The following IL20RB variants were observed in gnomAD, a reference collection of about 807,000 sequenced individuals.
IL20RB encodes interleukin-20 receptor subunit beta.
IL20RB carries 21 observed loss-of-function variants against 33.3 expected under a neutral mutation model. That is an observed-to-expected ratio of 0.63 (90% confidence interval 0.45 to 0.91). The LOEUF (loss-of-function observed/expected upper bound fraction) is 0.91. Ranked by LOEUF, IL20RB falls within the 40% of genes least tolerant of loss-of-function variation. The probability of loss-of-function intolerance (pLI) is 0.00; values close to 1 mark genes in which losing one functional copy is unlikely to be tolerated. For missense variants in IL20RB, 345 were observed against 384.8 expected (o/e 0.90, Z 0.86); for synonymous variants, 147 against 146.8 (o/e 1.00, Z -0.01).
At chr3:136,960,976 AT>A (rs1412866568) in intron 1 of IL20RB, among the ~76,000 whole-genome samples, 1 of 152,176 alleles carries the variant, frequency 6.6e-6, no homozygotes, top group African/African-American at 2.4e-5. Context: ...AGATGCAAAG[AT>A]TTTTGCCTGG....
At chr3:136,987,189 C>G (rs1331761934) in intron 3 of IL20RB, among the ~76,000 whole-genome samples, 6 of 152,172 alleles carry the variant, frequency 3.9e-5, no homozygotes, top group Non-Finnish European at 7.4e-5. Context: ...CCACCCACGT[C>G]CTGCTGATTG....
intron 6 of IL20RB, among the ~76,000 whole-genome samples, chr3:137,006,908 ATATG>A (rs1942360988): frequency 1.3e-5 from 2 of 152,150 alleles, no homozygotes; most frequent in Admixed American, 1.3e-4. Flanking sequence ...CTTTGTGGTT[ATATG>A]TACCTTTCGT....
intron 6 of IL20RB, among the ~76,000 whole-genome samples, chr3:137,009,733 G>C (rs1309580209): frequency 1.3e-5 from 2 of 152,006 alleles, no homozygotes; most frequent in African/African-American, 4.8e-5. Flanking sequence ...AGGGAGCCTT[G>C]CTATGTTGCC....
At chr3:136,976,670 G>C (rs576655684) in intron 1 of IL20RB, among the ~76,000 whole-genome samples, 12 of 152,318 alleles carry the variant, frequency 7.9e-5, no homozygotes, top group African/African-American at 2.4e-4. Context: ...CTCATTCCCA[G>C]TTTGTGCCCC....
At chr3:136,981,564 A>G (rs1164492100) in intron 2 of IL20RB, among the ~76,000 whole-genome samples, 1 of 152,206 alleles carries the variant, frequency 6.6e-6, no homozygotes, top group Admixed American at 6.5e-5. Context: ...TATTTATGCC[A>G]TATCTGAAGG....
rs752875529 is a variant in IL20RB at position 136,995,491 on chromosome 3, G to A, written c.760G>A (p.Val254Ile). Residue 254 changes from valine to isoleucine, a missense_variant, in exon 6 of 7, where the codon GTC becomes ATC. Coordinates refer to ENST00000329582, the MANE Select transcript of IL20RB (RefSeq NM_144717.4). ...GATCCTTGTGGTCGTGCCACTGTTC[G>A]TCTGGAAAATGGGCCGGCTGCTCCA... ...MLILVVVPLF[V>I]WKMGRLLQYS... 3.2e-5 allele frequency: 52 copies of A among 1,614,100 alleles called. No individual in the cohort carries two copies. Among genetic ancestry groups the A allele is most frequent in the Middle Eastern group, 1.7e-4 (1 of 6,048 alleles).
intron 1 of IL20RB, among the ~76,000 whole-genome samples, chr3:136,975,053 A>C (rs1038874134): frequency 6.6e-6 from 1 of 152,122 alleles, no homozygotes; most frequent in Non-Finnish European, 1.5e-5. Context: ...ATTCTCTTGT[A>C]TCCCACTGAG....
intron 5 of IL20RB, 76 bp downstream of exon 5, chr3:136,992,164 G>T: frequency 1.4e-6 from 2 of 1,478,192 alleles, no homozygotes; most frequent in East Asian, 2.3e-5. Flanking sequence ...GGCCTGCTGG[G>T]TTCCTTTGGT....
intron 5 of IL20RB, 48 bp from the exon 6 acceptor site, chr3:136,995,366 T>A: frequency 6.2e-7 from 1 of 1,606,146 alleles, no homozygotes; most frequent in Non-Finnish European, 8.5e-7. Flanking sequence ...ATTGAAGTTT[T>A]AATCTTTGCT....
At chr3:136,996,312 C>T (rs1403252048) in intron 6 of IL20RB, among the ~76,000 whole-genome samples, 1 of 152,098 alleles carries the variant, frequency 6.6e-6, no homozygotes, top group African/African-American at 2.4e-5. Context: ...AGACCTCAAC[C>T]ACACAAAGCA....
At chr3:137,004,266 A>G (rs994603749) in intron 6 of IL20RB, among the ~76,000 whole-genome samples, 4 of 152,178 alleles carry the variant, frequency 2.6e-5, no homozygotes, top group Non-Finnish European at 5.9e-5. Flanking sequence ...TATCAGGATG[A>G]TGCTGGCCTC....
intron 5 of IL20RB, among the ~76,000 whole-genome samples, chr3:136,993,391 C>T (rs1942068642): frequency 6.6e-6 from 1 of 152,130 alleles, no homozygotes; most frequent in African/African-American, 2.4e-5. Flanking sequence ...ATATTGTGAA[C>T]ATCTTTTCAT....
chr3:136,973,325 C>CA (rs201415749), intron 1 of IL20RB, among the ~76,000 whole-genome samples: 1,119 of 88,348 alleles, frequency 0.013, 1 homozygote, highest in African/African-American at 0.016. Context: ...ACTAAAAATA[C>CA]AAAAAAAAAA....
chr3:136,988,606 G>A (rs549033617), intron 3 of IL20RB, among the ~76,000 whole-genome samples: 6 of 152,150 alleles, frequency 3.9e-5, no homozygotes, highest in Middle Eastern at 3.4e-3. Context: ...AGCTGAGTGC[G>A]GTGATGTGTG....
chr3:136,979,576 A>G (rs2108195725), intron 1 of IL20RB, among the ~76,000 whole-genome samples: 1 of 152,298 alleles, frequency 6.6e-6, no homozygotes, highest in Middle Eastern at 3.4e-3. Flanking sequence ...AGTCCTTATG[A>G]GCAGGTTCAG....
At chr3:136,970,530 T>C (rs2108182321) in intron 1 of IL20RB, among the ~76,000 whole-genome samples, 1 of 152,354 alleles carries the variant, frequency 6.6e-6, no homozygotes, top group South Asian at 2.1e-4. Flanking sequence ...CAATACAATA[T>C]AGTTTTAATT....
At position 137,010,521 on chromosome 3, in the gene IL20RB, A is replaced by G; in HGVS notation, c.*298A>G. The G allele has an allele frequency of 3.4e-6, 1 of 297,090 alleles. No individual in the cohort carries two copies. The highest frequency in any genetic ancestry group is 4.6e-5 in the Admixed American group (1 of 21,804). 18.4% of individuals were successfully genotyped at this position (297,090 alleles called of 1,614,324 possible). On this transcript the variant is annotated 3_prime_UTR_variant, in exon 7 of 7. Coordinates refer to ENST00000329582, the MANE Select transcript of IL20RB (RefSeq NM_144717.4). ...AAGTTTTCTCATCTGTAATGGGGGA[A>G]TTACCTACACACCTGCTAAACACAC... is the stretch of plus-strand genomic sequence containing the variant.
intron 1 of IL20RB, among the ~76,000 whole-genome samples, chr3:136,963,689 T>A (rs1310163745): frequency 2.2e-5 from 2 of 92,982 alleles, no homozygotes; most frequent in Non-Finnish European, 4.3e-5. Context: ...TTTTTTTTTT[T>A]TTTATTTTTT....
At chr3:136,993,651 A>G (rs545782743) in intron 5 of IL20RB, among the ~76,000 whole-genome samples, 57 of 150,972 alleles carry the variant, frequency 3.8e-4, no homozygotes, top group African/African-American at 1.4e-3. Flanking sequence ...GTTCCCACCT[A>G]TGAGTGAGAA....
Sources: allele counts gnomAD v4.1 joint callset (sites outside exome capture counted in the v4.1 genomes callset), GRCh38; gene constraint gnomAD v4.1.1; transcripts MANE v1.5; gene names NCBI Gene and HGNC (gene_info 2026-07-23, HGNC 2026-07-21).